NLRP1: variants seen among roughly 807,000 people sequenced by gnomAD.
The protein encoded by NLRP1 is NACHT, LRR and PYD domains-containing protein 1.
NLRP1 carries 94 observed loss-of-function variants against 136.7 expected under a neutral mutation model. The ratio of observed to expected loss-of-function variants is 0.69; its 90% CI spans 0.58 to 0.82. The LOEUF (loss-of-function observed/expected upper bound fraction) is 0.82, where lower values mean the gene tolerates loss of function less well. Among genes scored for constraint, NLRP1 ranks in the 40% least tolerant of loss-of-function variants. The pLI, the probability that NLRP1 is intolerant of heterozygous loss-of-function variation, is 0.00. For missense variants in NLRP1, 1,575 were observed against 1,802.7 expected (o/e 0.87, Z 2.29); for synonymous variants, 690 against 725.1 (o/e 0.95, Z 0.78).
In NLRP1 at chr17:5,537,305, G is replaced by C. The variant is rs949738568; in HGVS notation, c.2871-365C>G. 6.6e-6 allele frequency among the ~76,000 whole-genome samples: 1 copy of C among 152,238 alleles called. No homozygotes were observed. Among genetic ancestry groups the C allele is most frequent in the Non-Finnish European group, 1.5e-5 (1 of 68,032 alleles). ...CGGATGTGGGCCTCCCCAGGAAGGA[G>C]ATGTGGCCTTGGGTGAGGTGGCTCT... On this transcript the variant is annotated intron_variant, in intron 7 of 16. Coordinates refer to ENST00000572272, the MANE Select transcript of NLRP1 (RefSeq NM_033004.4). This position sits in a 1 kb window ranked among gnomAD's most constrained non-coding sequence, Gnocchi z 4.5.
chr17:5,548,821 C>T (rs1912988715), intron 5 of NLRP1, among the ~76,000 whole-genome samples: 1 of 152,194 alleles, frequency 6.6e-6, no homozygotes, highest in African/African-American at 2.4e-5. Flanking sequence ...TGACACCTCT[C>T]TCTCCTGGTG....
chr17:5,567,744 T>C (rs1915485511), intron 3 of NLRP1, among the ~76,000 whole-genome samples: 1 of 152,118 alleles, frequency 6.6e-6, no homozygotes, highest in South Asian at 2.1e-4. Flanking sequence ...TCTTGTAGGA[T>C]GGGTTTGGTA....
Position 5,517,363 on chromosome 17 carries a change from C to A in NLRP1, c.4057+383G>T, listed in dbSNP as rs1219554938. 8.6e-3 allele frequency among the ~76,000 whole-genome samples: 752 copies of A among 87,868 alleles called. 44 individuals carry two copies. The highest frequency in any genetic ancestry group is 0.031 in the African/African-American group (723 of 23,012). The allele number at this position is 87,868 out of a possible 152,430, so 57.6% of individuals were successfully genotyped here. On this transcript the variant is annotated intron_variant, in intron 15 of 16. Coordinates refer to ENST00000572272, the MANE Select transcript of NLRP1 (RefSeq NM_033004.4). ...AGTGCACTCTGCACCCCCCCCCCTC[C>A]CACATACACAGACTTTCTTCCATTG... is the stretch of plus-strand genomic sequence containing the variant.
intron 3 of NLRP1, among the ~76,000 whole-genome samples, chr17:5,569,512 C>A (rs1915656361): frequency 6.6e-6 from 1 of 151,992 alleles, no homozygotes; most frequent in Admixed American, 6.6e-5. Flanking sequence ...CAACATCAAT[C>A]AAAAAAGACA....
intron 5 of NLRP1, among the ~76,000 whole-genome samples, chr17:5,542,763 T>C (rs964492804): frequency 3.0e-5 from 4 of 135,434 alleles, no homozygotes; most frequent in Non-Finnish European, 6.4e-5. Context: ...CTTTCCTCTT[T>C]CTCCTTCCTT....
Position 5,583,676 on chromosome 17 carries a change from T to G in NLRP1, c.271+11A>C, listed in dbSNP as rs1392959919. The G allele has an allele frequency of 6.4e-7, 1 of 1,550,642 alleles. No individual in the cohort carries two copies. The highest frequency in any genetic ancestry group is 1.9e-5 in the Admixed American group (1 of 51,380). On this transcript the variant is annotated intron_variant, in intron 1 of 16. Coordinates refer to ENST00000572272, the MANE Select transcript of NLRP1 (RefSeq NM_033004.4). The surrounding 1 kb of genome is among the most constrained non-coding windows in gnomAD (Gnocchi z 4.5). ...ATGTCCCGCGGGCAGTGGGGTCCTC[T>G]GTCCACTCACCTGCCCCTTCCTGGG...
chr17:5,558,053 G>T (rs752548007), intron 4 of NLRP1, among the ~76,000 whole-genome samples: 16 of 152,108 alleles, frequency 1.1e-4, no homozygotes, highest in Non-Finnish European at 1.9e-4. Context: ...GTCCAGGAGA[G>T]AAGATGGACG....
At chr17:5,573,059 C>T (rs991724614) in intron 3 of NLRP1, among the ~76,000 whole-genome samples, 1 of 152,204 alleles carries the variant, frequency 6.6e-6, no homozygotes, top group Non-Finnish European at 1.5e-5. Flanking sequence ...AGGGAATTCC[C>T]TTTCCTAGCC....
intron 3 of NLRP1, among the ~76,000 whole-genome samples, chr17:5,568,903 C>G (rs1361388214): frequency 6.6e-6 from 1 of 152,142 alleles, no homozygotes; most frequent in African/African-American, 2.4e-5. Context: ...AACATACAGT[C>G]TCTGTCTCTT....
downstream of NLRP1, among the ~76,000 whole-genome samples, chr17:5,511,853 TCTTC>T (rs1907661157): frequency 6.6e-6 from 1 of 151,876 alleles, no homozygotes; most frequent in Admixed American, 6.6e-5. Flanking sequence ...TTCCTCTTTC[TCTTC>T]CTTTTTCTTT....
intron 14 of NLRP1, among the ~76,000 whole-genome samples, chr17:5,520,661 C>A (rs554252770): frequency 1.3e-5 from 2 of 152,330 alleles, no homozygotes; most frequent in African/African-American, 4.8e-5. Context: ...GCCCCCAAGT[C>A]AAACCCCATC....
chr17:5,517,894 A>T lies in NLRP1; in HGVS notation c.3916-7T>A. ...GATAGCAGAGCTCCAGTTCCTGAAGAGGCAAAGAGTTGAGTTGCCACCCTG... is the reference window on the plus strand; with the variant it reads ...GATAGCAGAGCTCCAGTTCCTGAAGTGGCAAAGAGTTGAGTTGCCACCCTG... On this transcript the variant is annotated splice_region_variant and splice_polypyrimidine_tract_variant and intron_variant, in intron 14 of 16. Coordinates refer to ENST00000572272, the MANE Select transcript of NLRP1 (RefSeq NM_033004.4). 6.2e-7 allele frequency: 1 copy of T among 1,613,816 alleles called. No individual in the cohort carries two copies. The highest frequency in any genetic ancestry group is 8.5e-7 in the Non-Finnish European group (1 of 1,179,936).
chr17:5,582,804 A>G lies in NLRP1; in HGVS notation c.314T>C (p.Leu105Pro). ...SFPYSPSEPH[L>P]GSPSQPTSTA... ...GGAGGTGGGTTGGCTGGGAGACCCC[A>G]GGTGGGGTTCACTTGGGCTGTAGGG... Residue 105 changes from leucine to proline, a missense_variant, in exon 2 of 17, where the codon CTG becomes CCG. By Grantham distance (98) the Leu-to-Pro change is moderately conservative (BLOSUM62 -3). Transcript: ENST00000572272. 1 of 1,613,840 alleles carries G rather than the reference A, an allele frequency of 6.2e-7. No individual in the cohort carries two copies.
chr17:5,583,906 T>C lies in NLRP1; in HGVS notation c.52A>G (p.Lys18Glu), dbSNP rs1165171576. ...RLACYLEFLK[K>E]EELKEFQLLL... Reference sequence around the variant, plus strand: ...AGCTGGAACTCCTTCAGCTCCTCCTTCTTCAGGAACTCCAAGTAACAGGCC... The same window carrying C: ...AGCTGGAACTCCTTCAGCTCCTCCTCCTTCAGGAACTCCAAGTAACAGGCC... Residue 18 changes from lysine to glutamate, a missense_variant, in exon 1 of 17, where the codon AAG (lysine) becomes GAG (glutamate). Physicochemically the swap from Lys to Glu is moderately conservative, Grantham distance 56. Transcript: ENST00000572272. This position sits in a 1 kb window ranked among gnomAD's most constrained non-coding sequence, Gnocchi z 4.5. 6.2e-7 allele frequency: 1 copy of C among 1,607,354 alleles called. No homozygotes were observed. Among genetic ancestry groups the C allele is most frequent in the South Asian group, 1.1e-5 (1 of 89,704 alleles).
At chr17:5,580,585 CA>C (rs1905528564) in intron 3 of NLRP1, among the ~76,000 whole-genome samples, 1 of 152,160 alleles carries the variant, frequency 6.6e-6, no homozygotes, top group African/African-American at 2.4e-5. Flanking sequence ...AGAATGCCCA[CA>C]ATTGATGGAA....
intron 3 of NLRP1, 62 bp from the exon 4 acceptor site, chr17:5,560,105 T>G: frequency 7.1e-7 from 1 of 1,409,682 alleles, no homozygotes; most frequent in South Asian, 1.5e-5. Flanking sequence ...ATTAATTAAT[T>G]AAACAACTGT....
At position 5,541,987 on chromosome 17, in the gene NLRP1, G is replaced by C; in HGVS notation, c.2569C>G (p.Leu857Val). ...CGLTAEDCKD[L>V]AFGLRANQTL... ...TGGTTGGCTCTCAGCCCAAAGGCAA[G>C]GTCCTTGCAGTCCTCAGCTGTGAGG... Residue 857 changes from leucine (L) to valine (V), a missense_variant, in exon 6 of 17, where the codon CTT (leucine) becomes GTT (valine). Leu to Val is a conservative substitution (Grantham distance 32). Coordinates refer to ENST00000572272, the MANE Select transcript of NLRP1 (RefSeq NM_033004.4). The surrounding 1 kb of genome is among the most constrained non-coding windows in gnomAD (Gnocchi z 4.2). 1 of 1,614,072 alleles carries C rather than the reference G, an allele frequency of 6.2e-7. No homozygotes were observed. The highest frequency in any genetic ancestry group is 8.5e-7 in the Non-Finnish European group (1 of 1,179,996).
At chr17:5,544,801 T>A (rs1015208899) in intron 5 of NLRP1, among the ~76,000 whole-genome samples, 10 of 152,064 alleles carry the variant, frequency 6.6e-5, no homozygotes, top group African/African-American at 2.2e-4. Context: ...GAACAGTTTG[T>A]TTTTAGTTAG....
intron 7 of NLRP1, 123 bp downstream of exon 7, chr17:5,539,292 G>A: frequency 1.2e-6 from 1 of 841,868 alleles, no homozygotes; most frequent in South Asian, 1.8e-5. Context: ...GTCACACAGT[G>A]TAAGTGGTAG....
Sources: allele counts gnomAD v4.1 joint callset (sites outside exome capture counted in the v4.1 genomes callset), GRCh38; gene constraint gnomAD v4.1.1; non-coding constraint Gnocchi (gnomAD v3.1); transcripts MANE v1.5; gene names NCBI Gene and HGNC (gene_info 2026-07-23, HGNC 2026-07-21).